The following DDX59 variants were observed in gnomAD, a reference collection of about 807,000 sequenced individuals.
DDX59 encodes the protein probable ATP-dependent RNA helicase DDX59.
Under a neutral mutation model 51.9 loss-of-function variants are expected in DDX59, and 30 were observed. That is an observed-to-expected ratio of 0.58 (90% CI 0.43 to 0.78). The LOEUF (loss-of-function observed/expected upper bound fraction) is 0.78. Ranked by LOEUF, DDX59 falls within the 30% of genes least tolerant of loss-of-function variation. The probability of loss-of-function intolerance (pLI) is 0.00; values close to 1 mark genes in which losing one functional copy is unlikely to be tolerated. For missense variants in DDX59, 672 were observed against 730.8 expected, an observed-to-expected ratio of 0.92 and a Z score of 0.93; for synonymous variants, 255 against 253.3, an observed-to-expected ratio of 1.01 and a Z score of -0.06.
chr1:200,667,612 T>C (rs562989661), intron 1 of DDX59, among the ~76,000 whole-genome samples: 1 of 152,300 alleles, frequency 6.6e-6, no homozygotes, highest in South Asian at 2.1e-4. Context: ...ATTATAGAAA[T>C]TCTGGGGTAA....
Position 200,650,716 on chromosome 1 carries a change from T to G in DDX59, c.1063-40A>C, listed in dbSNP as rs780626205. On this transcript the variant is annotated intron_variant, in intron 4 of 7. Transcript: ENST00000331314. ...TATTAAAGTTAGTCTTGTTTGACAT[T>G]AAAACCCAGAACCACCCCCAAAAAA... 43 of 1,524,572 alleles carry G rather than the reference T, an allele frequency of 2.8e-5. No homozygotes were observed. The South Asian group carries it at 4.2e-4, about 15-fold the overall frequency. The allele number at this position is 1,524,572 out of a possible 1,614,324, so 94.4% of individuals were successfully genotyped here. A position where few individuals can be genotyped will look rare whatever the true frequency, so the allele number is the denominator to read the frequency against.
Position 200,666,619 on chromosome 1 carries a change from G to A in DDX59, c.122C>T (p.Pro41Leu). 1 of 1,614,142 alleles carries A rather than the reference G, an allele frequency of 6.2e-7. No individual in the cohort carries two copies. The highest frequency in any genetic ancestry group is 8.5e-7 in the Non-Finnish European group (1 of 1,180,030). ...TGCTTCTGTAGCTACAGCATCAACG[G>A]GAACATCTCTGCTTTTGTCCAACTG... The part of the protein sequence containing the change: ...DLQLDKSRDV[P>L]VDAVATEAAT... Residue 41 changes from proline (P) to leucine (L), a missense_variant, in exon 2 of 8, where the codon CCC becomes CTC. Physicochemically the swap from Pro to Leu is moderately conservative, Grantham distance 98 (BLOSUM62 -3). Coordinates refer to ENST00000331314, the MANE Select transcript of DDX59 (RefSeq NM_001031725.6).
chr1:200,641,397 TAA>T (rs5780032), downstream of DDX59: 19,652 of 211,758 alleles, frequency 0.093, no homozygotes, highest in South Asian at 0.22. Context: ...CCAAAAAAAC[TAA>T]AAAAAAAAAA....
intron 4 of DDX59, among the ~76,000 whole-genome samples, chr1:200,656,353 T>C (rs1056879117): frequency 2.6e-5 from 4 of 152,218 alleles, no homozygotes; most frequent in Non-Finnish European, 5.9e-5. Context: ...ATCATGTTAG[T>C]ACTTTTGTAT....
downstream of DDX59, chr1:200,641,339 G>T: frequency 3.3e-6 from 2 of 603,520 alleles, no homozygotes; most frequent in Non-Finnish European, 5.0e-6. Flanking sequence ...TAATCAGTGA[G>T]TCACAGTTTA....
intron 4 of DDX59, among the ~76,000 whole-genome samples, chr1:200,652,033 A>AAGGCTATC (rs1170723132): frequency 6.6e-6 from 1 of 151,582 alleles, no homozygotes; most frequent in East Asian, 1.9e-4. Flanking sequence ...AAAAAAGATT[A>AAGGCTATC]AGGCTATCTT....
rs529900115 is a variant in DDX59 at position 200,656,119 on chromosome 1, C to T, written c.1062+2908G>A. Among the ~76,000 whole-genome samples, 24 of 152,178 alleles carry T rather than the reference C, an allele frequency of 1.6e-4. 1 individual carries two copies. Among genetic ancestry groups the T allele is most frequent in the Non-Finnish European group, 2.9e-4 (20 of 68,026 alleles). The stretch of plus-strand genomic sequence containing the variant: ...TACTGGGATTACAGGCGTGAGCCAA[C>T]GTGCCTGGCCATACAGTTCAATTTT... On this transcript the variant is annotated intron_variant, in intron 4 of 7. Coordinates refer to ENST00000331314, the MANE Select transcript of DDX59 (RefSeq NM_001031725.6).
At chr1:200,661,359 A>G (rs1198262729) in intron 3 of DDX59, among the ~76,000 whole-genome samples, 6 of 150,688 alleles carry the variant, frequency 4.0e-5, no homozygotes, top group Admixed American at 4.0e-4. Context: ...GTACACCTCA[A>G]AGTACTCTCC....
At chr1:200,643,840 AT>A (rs1301047942), downstream of DDX59, among the ~76,000 whole-genome samples, 1 of 152,066 alleles carries the variant, frequency 6.6e-6, no homozygotes, top group Admixed American at 6.6e-5. Context: ...GGTTCTGAAA[AT>A]TTCTTCCAGT....
Position 200,644,328 on chromosome 1 carries a change from G to T in DDX59, c.1786C>A (p.Gln596Lys). ...RKEQQKDKQT[Q>K]NDLVTGANLM... ...TTAGCTCCTGTAACCAGATCATTCTGTGTCTGTTTATCTTTCTGTTGTTCC... is the reference window on the plus strand; with the variant it reads ...TTAGCTCCTGTAACCAGATCATTCTTTGTCTGTTTATCTTTCTGTTGTTCC... The change falls in exon 8 of 8, where the codon CAG becomes AAG. Residue 596 changes from glutamine to lysine, a missense_variant. Coordinates refer to ENST00000331314, the MANE Select transcript of DDX59 (RefSeq NM_001031725.6). 1 of 1,613,536 alleles carries T rather than the reference G, an allele frequency of 6.2e-7. No homozygotes were observed. The highest frequency in any genetic ancestry group is 8.5e-7 in the Non-Finnish European group (1 of 1,179,784).
downstream of DDX59, among the ~76,000 whole-genome samples, chr1:200,643,163 G>A (rs2102823047): frequency 6.6e-6 from 1 of 151,280 alleles, no homozygotes; most frequent in East Asian, 1.9e-4. Context: ...GACAACGCCT[G>A]TGGTCCCAGC....
At chr1:200,650,070 T>A (rs929004685) in intron 5 of DDX59, among the ~76,000 whole-genome samples, 2 of 152,096 alleles carry the variant, frequency 1.3e-5, no homozygotes, top group Admixed American at 6.5e-5. Context: ...GGTCTCAATC[T>A]CCTGACCTCG....
At chr1:200,660,922 C>T (rs942431928) in intron 3 of DDX59, among the ~76,000 whole-genome samples, 5 of 152,192 alleles carry the variant, frequency 3.3e-5, no homozygotes, top group Non-Finnish European at 5.9e-5. Context: ...AGACGCCCAG[C>T]GATGACTGTA....
chr1:200,656,762 G>A (rs1662048952), intron 4 of DDX59, among the ~76,000 whole-genome samples: 6 of 152,192 alleles, frequency 3.9e-5, no homozygotes. Context: ...GTAAAGAGAA[G>A]TGAGGATGAG....
rs913990958 is a variant in DDX59, at chr1:200,644,075, T to C, written c.*179A>G. 28 of 556,102 alleles carry C rather than the reference T, an allele frequency of 5.0e-5. No individual in the cohort carries two copies. Among genetic ancestry groups the C allele is most frequent in the Middle Eastern group, 1.5e-3 (2 of 1,346 alleles). The allele number at this position is 556,102 out of a possible 1,614,324, so 34.4% of individuals were successfully genotyped here. On this transcript the variant is annotated 3_prime_UTR_variant, in exon 8 of 8. Coordinates refer to ENST00000331314, the MANE Select transcript of DDX59 (RefSeq NM_001031725.6). ...ACACTGTCTTTTATTTAATAATTCATTTTCTGATGTTTTTAATTTATAAGA... is the reference window on the plus strand; with the variant it reads ...ACACTGTCTTTTATTTAATAATTCACTTTCTGATGTTTTTAATTTATAAGA...
intron 4 of DDX59, among the ~76,000 whole-genome samples, chr1:200,651,788 C>T (rs1661676518): frequency 6.6e-6 from 1 of 152,068 alleles, no homozygotes. Context: ...GTGGGTGGAT[C>T]ACGAGGTCAG....
At chr1:200,649,367 A>G in intron 5 of DDX59, 141 bp from the exon 6 acceptor site, 5 of 784,668 alleles carry the variant, frequency 6.4e-6, no homozygotes, top group South Asian at 2.2e-5. Flanking sequence ...GGTGGCTCAC[A>G]CCTGTAATCT....
chr1:200,655,119 C>G (rs1306120600), intron 4 of DDX59: 1 of 152,202 alleles, frequency 6.6e-6, no homozygotes, highest in Non-Finnish European at 1.5e-5. Flanking sequence ...CTTCAGAATA[C>G]TACCCCTTAG....
At chr1:200,651,649 T>C (rs374349945) in intron 4 of DDX59, among the ~76,000 whole-genome samples, 1 of 152,242 alleles carries the variant, frequency 6.6e-6, no homozygotes, top group African/African-American at 2.4e-5. Flanking sequence ...CTTTCACTTA[T>C]ATTTTTCTAT....
Sources: gnomAD v4.1 joint callset for allele counts (sites outside exome capture counted in the v4.1 genomes callset) on GRCh38, gnomAD v4.1.1 for gene constraint, MANE v1.5 for transcripts, NCBI Gene and HGNC (gene_info 2026-07-23, HGNC 2026-07-21) for gene names.